EYS: variants seen among roughly 807,000 people sequenced by gnomAD.
EYS encodes the protein EGF-like photoreceptor maintenance factor.
In EYS, 250 loss-of-function variants were observed where a neutral mutation model predicts 282.1. The ratio of observed to expected loss-of-function variants is 0.89; its 90% CI spans 0.80 to 0.98. EYS has a LOEUF of 0.98. Ranked by LOEUF, EYS falls within the 50% of genes least tolerant of loss-of-function variation. The pLI is 0.00. For synonymous variants in EYS, 1,355 were observed against 1,282.9 expected (o/e 1.06, Z -1.20); for missense variants, 4,016 against 3,709.0 (o/e 1.08, Z -2.15).
At chr6:64,197,876 A>T (rs1188311332) in intron 31 of EYS, among the ~76,000 whole-genome samples, 1 of 151,820 alleles carries the variant, frequency 6.6e-6, no homozygotes, top group East Asian at 1.9e-4. Flanking sequence ...TTGACTCTTA[A>T]TGGGAAAATT....
chr6:64,588,975 A>G (rs1766314964), intron 26 of EYS, among the ~76,000 whole-genome samples: 1 of 152,064 alleles, frequency 6.6e-6, no homozygotes, highest in Non-Finnish European at 1.5e-5. Flanking sequence ...TTTAGGTTTT[A>G]TTTACTAATA....
chr6:64,521,832 A>G lies in EYS; in HGVS notation c.5644+68391T>C, dbSNP rs565777722. Among the ~76,000 whole-genome samples, 36 of 151,922 alleles carry G rather than the reference A, an allele frequency of 2.4e-4. No individual in the cohort carries two copies. In the East Asian group the frequency reaches 6.4e-3, roughly 27 times the overall value. ...TAGTGATTCAATCACTTGTTCACTT[A>G]TCCATGCAGCATATAATGAGAGCTT... On this transcript the variant is annotated intron_variant, in intron 26 of 42. Transcript: ENST00000503581.
At chr6:64,386,848 A>C (rs1772926202) in intron 29 of EYS, among the ~76,000 whole-genome samples, 1 of 152,040 alleles carries the variant, frequency 6.6e-6, no homozygotes, top group Non-Finnish European at 1.5e-5. Context: ...TGACTTTGCC[A>C]TTTCTTACGA....
intron 1 of EYS, among the ~76,000 whole-genome samples, chr6:65,647,754 T>G (rs1767502901): frequency 6.6e-6 from 1 of 152,098 alleles, no homozygotes; most frequent in African/African-American, 2.4e-5. Context: ...TGGGGGTAAA[T>G]TTTCACAATT....
intron 22 of EYS, among the ~76,000 whole-genome samples, chr6:64,697,006 T>C (rs954845958): frequency 6.6e-6 from 1 of 151,838 alleles, no homozygotes; most frequent in African/African-American, 2.4e-5. Flanking sequence ...AGAAACAGAC[T>C]CAACAAAGCA....
intron 19 of EYS, among the ~76,000 whole-genome samples, chr6:64,885,427 G>A (rs959477829): frequency 2.6e-5 from 4 of 151,576 alleles, no homozygotes; most frequent in Admixed American, 6.6e-5. Flanking sequence ...TTTACAAAAT[G>A]TGTTTCTTAG....
intron 30 of EYS, among the ~76,000 whole-genome samples, chr6:64,278,903 C>T (rs1273170462): frequency 1.3e-5 from 2 of 152,060 alleles, no homozygotes; most frequent in African/African-American, 4.8e-5. Context: ...CAGGCACATG[C>T]CACCATGCCT....
intron 22 of EYS, among the ~76,000 whole-genome samples, chr6:64,788,271 T>G (rs1391855582): frequency 6.6e-6 from 1 of 152,128 alleles, no homozygotes; most frequent in African/African-American, 2.4e-5. Context: ...TTAATTTTTC[T>G]TTCCCTGAGG....
intron 21 of EYS, chr6:64,815,295 T>C (rs1764715277): frequency 2.6e-6 from 1 of 387,396 alleles, no homozygotes; most frequent in East Asian, 8.3e-5. Context: ...GTTTTATTTA[T>C]GGAATAGAAA....
rs1767260074 is a variant in EYS at position 63,984,475 on chromosome 6, G to A, written c.6963C>T (p.Ile2321=). 6.5e-7 allele frequency: 1 copy of A among 1,549,604 alleles called. No individual in the cohort carries two copies. Among genetic ancestry groups the A allele is most frequent in the Non-Finnish European group, 8.7e-7 (1 of 1,145,484 alleles). ...DLQVNNKEFF[I]IDEARHGKNI... is the part of the protein sequence containing the mutation. Reference sequence around the variant, plus strand: ...TCTTTCCATGTCGTGCTTCATCGATGATGAAGAATTCTTTGTTGTTTACTT... The same window carrying A: ...TCTTTCCATGTCGTGCTTCATCGATAATGAAGAATTCTTTGTTGTTTACTT... Residue 2321 remains isoleucine, a synonymous_variant, in exon 35 of 43, where the codon ATC becomes ATT. Transcript: ENST00000503581.
intron 2 of EYS, among the ~76,000 whole-genome samples, chr6:65,628,807 G>A (rs903605020): frequency 2.0e-5 from 3 of 152,200 alleles, no homozygotes; most frequent in Admixed American, 2.0e-4. Context: ...CACTCACCGC[G>A]AGGGTCCGCG....
chr6:65,621,926 T>C (rs985040671), intron 2 of EYS, among the ~76,000 whole-genome samples: 3 of 152,302 alleles, frequency 2.0e-5, no homozygotes, highest in East Asian at 1.9e-4. Context: ...TATAAAGCTG[T>C]GGTGTTATGC....
chr6:64,422,648 C>T (rs1036771094), intron 28 of EYS, among the ~76,000 whole-genome samples: 1 of 152,134 alleles, frequency 6.6e-6, no homozygotes, highest in Non-Finnish European at 1.5e-5. Flanking sequence ...CAGAAGTAAT[C>T]TTCACATGAT....
chr6:65,493,287 A>G (rs944373823), intron 4 of EYS, among the ~76,000 whole-genome samples: 1 of 152,188 alleles, frequency 6.6e-6, no homozygotes, highest in Non-Finnish European at 1.5e-5. Context: ...ACAGGGGAGA[A>G]GGAATCCCCC....
At position 64,585,434 on chromosome 6, in the gene EYS, G is replaced by A. The variant is rs551301243; in HGVS notation, c.5644+4789C>T. ...AGCATCACACAATACACCATGTAACGAACCTGCACACATACCCACTGTATC... is the reference window on the plus strand; with the variant it reads ...AGCATCACACAATACACCATGTAACAAACCTGCACACATACCCACTGTATC... On this transcript the variant is annotated intron_variant, in intron 26 of 42. Coordinates refer to ENST00000503581, the MANE Select transcript of EYS (RefSeq NM_001142800.2). Among the ~76,000 whole-genome samples, 20 of 152,172 alleles carry A rather than the reference G, an allele frequency of 1.3e-4. No individual in the cohort carries two copies. In the South Asian group the frequency reaches 4.1e-3, roughly 32 times the overall value.
intron 40 of EYS, among the ~76,000 whole-genome samples, chr6:63,764,447 GAAAT>G (rs1032524082): frequency 6.4e-4 from 97 of 151,838 alleles, no homozygotes; most frequent in African/African-American, 2.3e-3. Flanking sequence ...TTTCACAAAA[GAAAT>G]AAAACTATAG....
intron 11 of EYS, among the ~76,000 whole-genome samples, chr6:65,327,046 T>C (rs918204685): frequency 2.6e-5 from 4 of 151,786 alleles, no homozygotes; most frequent in African/African-American, 9.7e-5. Context: ...CTTGTTTATA[T>C]ACTTAAATAC....
At chr6:64,254,155 C>G (rs1489019580) in intron 30 of EYS, among the ~76,000 whole-genome samples, 1 of 152,024 alleles carries the variant, frequency 6.6e-6, no homozygotes, top group African/African-American at 2.4e-5. Context: ...TACCCTCTTG[C>G]CTCACTGTAC....
At chr6:65,232,660 G>T (rs540806202) in intron 12 of EYS, among the ~76,000 whole-genome samples, 1 of 152,004 alleles carries the variant, frequency 6.6e-6, no homozygotes, top group Admixed American at 6.6e-5. Context: ...TTTATTAACT[G>T]AAGTCCATAC....
Sources: gnomAD v4.1 joint callset for allele counts (sites outside exome capture counted in the v4.1 genomes callset) on GRCh38, gnomAD v4.1.1 for gene constraint, MANE v1.5 for transcripts, NCBI Gene and HGNC (gene_info 2026-07-23, HGNC 2026-07-21) for gene names.